The following FGGY variants were observed in gnomAD, a reference collection of about 807,000 sequenced individuals.
FGGY encodes FGGY carbohydrate kinase domain containing.
Under a neutral mutation model 71.3 loss-of-function variants are expected in FGGY, and 72 were observed. The ratio of observed to expected loss-of-function variants is 1.01; its 90% CI spans 0.84 to 1.23. FGGY has a LOEUF of 1.23. Ranked by LOEUF, FGGY falls within the 50% of genes most tolerant of loss-of-function variation. The pLI is 0.00. For missense variants in FGGY, 668 were observed against 682.3 expected (o/e 0.98, Z 0.23); for synonymous variants, 251 against 250.3 (o/e 1.00, Z -0.02).
chr1:59,328,541 T>A (rs986894393), intron 2 of FGGY, among the ~76,000 whole-genome samples: 2 of 152,216 alleles, frequency 1.3e-5, no homozygotes, highest in African/African-American at 4.8e-5. Flanking sequence ...TAAGACTGTT[T>A]CACTTTCTTA....
In FGGY at chr1:59,373,037, A is replaced by G. The variant is rs1349157665; in HGVS notation, c.466-5712A>G. On this transcript the variant is annotated intron_variant, in intron 4 of 15. Coordinates refer to ENST00000303721, the MANE Select transcript of FGGY (RefSeq NM_018291.5). ...CCCTCTCTCACCACTCCCATTCAACATAGTGTTGGAAGTTCTGGCCAGGGC... is the reference window on the plus strand; with the variant it reads ...CCCTCTCTCACCACTCCCATTCAACGTAGTGTTGGAAGTTCTGGCCAGGGC... 2.0e-5 allele frequency among the ~76,000 whole-genome samples: 3 copies of G among 152,122 alleles called. No homozygotes were observed. The East Asian group carries it at 5.8e-4, about 29-fold the overall frequency.
At chr1:59,360,939 T>C (rs996760633) in intron 4 of FGGY, among the ~76,000 whole-genome samples, 12 of 152,142 alleles carry the variant, frequency 7.9e-5, no homozygotes, top group African/African-American at 2.7e-4. Flanking sequence ...CAGATCTAAC[T>C]CCAGCCTGTG....
intron 7 of FGGY, among the ~76,000 whole-genome samples, chr1:59,533,015 G>T (rs1007914044): frequency 6.6e-6 from 1 of 152,176 alleles, no homozygotes. Flanking sequence ...CAAGATGGCC[G>T]AATAGGAACA....
chr1:59,501,602 G>A (rs1304824431), intron 6 of FGGY, among the ~76,000 whole-genome samples: 9 of 152,194 alleles, frequency 5.9e-5, no homozygotes, highest in Admixed American at 4.6e-4. Flanking sequence ...TAACAGTCAA[G>A]TATTTTGCTG....
chr1:59,470,668 C>T (rs1012734046), intron 6 of FGGY, among the ~76,000 whole-genome samples: 1 of 152,150 alleles, frequency 6.6e-6, no homozygotes, highest in Non-Finnish European at 1.5e-5. Flanking sequence ...AGGTTTCCAC[C>T]AACAACATGC....
chr1:59,434,574 T>C (rs928615523), intron 5 of FGGY, among the ~76,000 whole-genome samples: 1 of 152,216 alleles, frequency 6.6e-6, no homozygotes, highest in Non-Finnish European at 1.5e-5. Flanking sequence ...ACTGGGTGGC[T>C]TATAAACAAC....
At chr1:59,489,661 C>G (rs1055463866) in intron 6 of FGGY, among the ~76,000 whole-genome samples, 1 of 152,028 alleles carries the variant, frequency 6.6e-6, no homozygotes, top group Non-Finnish European at 1.5e-5. Flanking sequence ...CTATTGTGAA[C>G]AGTGCTGCAG....
chr1:59,612,412 G>T (rs562552999), intron 9 of FGGY, among the ~76,000 whole-genome samples: 174 of 152,270 alleles, frequency 1.1e-3, no homozygotes, highest in Non-Finnish European at 2.0e-3. Flanking sequence ...CATAAGTGAA[G>T]GAGAAATGAA....
intron 6 of FGGY, among the ~76,000 whole-genome samples, chr1:59,493,270 C>A (rs1383387043): frequency 2.0e-5 from 3 of 152,108 alleles, no homozygotes; most frequent in African/African-American, 4.8e-5. Flanking sequence ...ACCATATGAT[C>A]CAGCATTTCA....
intron 5 of FGGY, among the ~76,000 whole-genome samples, chr1:59,379,682 TTACTTCA>T (rs2059146235): frequency 6.6e-6 from 1 of 152,236 alleles, no homozygotes; most frequent in South Asian, 2.1e-4. Context: ...GTAACATTTT[TTACTTCA>T]TAAACTTTTA....
chr1:59,474,649 C>T (rs1215120861), intron 6 of FGGY, among the ~76,000 whole-genome samples: 1 of 152,200 alleles, frequency 6.6e-6, no homozygotes, highest in Non-Finnish European at 1.5e-5. Flanking sequence ...ATCCATTGTC[C>T]AATCTTCAGT....
At chr1:59,555,857 C>T (rs373781005) in intron 8 of FGGY, among the ~76,000 whole-genome samples, 23 of 152,158 alleles carry the variant, frequency 1.5e-4, no homozygotes, top group East Asian at 3.9e-4. Flanking sequence ...AAAAATTAGC[C>T]GGGCGTGGTG....
intron 6 of FGGY, among the ~76,000 whole-genome samples, chr1:59,466,144 T>A (rs979874917): frequency 1.3e-5 from 2 of 152,170 alleles, no homozygotes; most frequent in Non-Finnish European, 2.9e-5. Flanking sequence ...ATAGTACTGC[T>A]ACCAAAACAG....
chr1:59,416,640 C>T (rs2064478145), intron 5 of FGGY, among the ~76,000 whole-genome samples: 1 of 152,188 alleles, frequency 6.6e-6, no homozygotes, highest in South Asian at 2.1e-4. Flanking sequence ...TGGACTTTTC[C>T]CTCATGCTAG....
chr1:59,637,669 A>G (rs2096975118), intron 10 of FGGY, among the ~76,000 whole-genome samples: 1 of 152,190 alleles, frequency 6.6e-6, no homozygotes, highest in African/African-American at 2.4e-5. Context: ...TCAGGTCTCT[A>G]ACTCCTGATC....
At chr1:59,660,893 G>C (rs2097267680) in intron 12 of FGGY, among the ~76,000 whole-genome samples, 1 of 152,190 alleles carries the variant, frequency 6.6e-6, no homozygotes, top group East Asian at 1.9e-4. Context: ...GGTGGCTATG[G>C]ATGGGCTACA....
At chr1:59,508,089 A>T (rs150681944) in intron 6 of FGGY, among the ~76,000 whole-genome samples, 1 of 152,204 alleles carries the variant, frequency 6.6e-6, no homozygotes, top group Non-Finnish European at 1.5e-5. Flanking sequence ...CACTGAAACC[A>T]CCAATCTCCA....
At position 59,669,751 on chromosome 1, in the gene FGGY, A is replaced by G. The variant is rs1246696143; in HGVS notation, c.1417+2348A>G. 2.0e-5 allele frequency among the ~76,000 whole-genome samples: 3 copies of G among 152,100 alleles called. No homozygotes were observed. The East Asian group carries it at 5.8e-4, about 29-fold the overall frequency. On this transcript the variant is annotated intron_variant, in intron 13 of 15. Coordinates refer to ENST00000303721, the MANE Select transcript of FGGY (RefSeq NM_018291.5). ...TTCCTATCTGGATGCAAGAGGAAAG[A>G]TGAAAGTCAGCTTTGGAGAACACAG... is the stretch of plus-strand genomic sequence containing the variant.
In FGGY at chr1:59,672,214, C is replaced by A. The variant is rs577376769; in HGVS notation, c.1418-1825C>A. Reference sequence around the variant, plus strand: ...TTCCCCTCTGGATGGTTGATGGGAACCTTTATTGTCCCTTCCCCACTTATC... The same window carrying A: ...TTCCCCTCTGGATGGTTGATGGGAAACTTTATTGTCCCTTCCCCACTTATC... On this transcript the variant is annotated intron_variant, in intron 13 of 15. Transcript: ENST00000303721. 7.2e-5 allele frequency among the ~76,000 whole-genome samples: 11 copies of A among 152,258 alleles called. No individual in the cohort carries two copies. The South Asian group carries it at 2.3e-3, about 32-fold the overall frequency.
Sources: allele counts gnomAD v4.1 joint callset (sites outside exome capture counted in the v4.1 genomes callset), GRCh38; gene constraint gnomAD v4.1.1; transcripts MANE v1.5; gene names NCBI Gene and HGNC (gene_info 2026-07-23, HGNC 2026-07-21).